The following CACNA2D1 variants were observed in gnomAD, a reference collection of about 807,000 sequenced individuals.
The protein encoded by CACNA2D1 is calcium voltage-gated channel auxiliary subunit alpha2delta 1.
CACNA2D1 carries 53 observed loss-of-function variants against 171.5 expected under a neutral mutation model. The ratio of observed to expected loss-of-function variants is 0.31; its 90% CI spans 0.25 to 0.39. CACNA2D1 has a LOEUF of 0.39. Among genes scored for constraint, CACNA2D1 ranks in the 10% least tolerant of loss-of-function variants. CACNA2D1 has a pLI of 1.00. For missense variants in CACNA2D1, 903 were observed against 1,299.8 expected (o/e 0.69, Z 4.69); for synonymous variants, 442 against 443.1 (o/e 1.00, Z 0.03).
chr7:81,989,062 G>A (rs1039672397), intron 21 of CACNA2D1, among the ~76,000 whole-genome samples: 1 of 152,188 alleles, frequency 6.6e-6, no homozygotes, highest in African/African-American at 2.4e-5. Flanking sequence ...ATGGGAAGAT[G>A]AGGGAATGAG....
At chr7:82,382,333 C>A (rs576199936) in intron 1 of CACNA2D1, among the ~76,000 whole-genome samples, 1 of 152,338 alleles carries the variant, frequency 6.6e-6, no homozygotes, top group South Asian at 2.1e-4. Context: ...TCCTGGAGTT[C>A]TCTGTCAAGT....
chr7:82,336,148 T>C (rs1656916208), intron 2 of CACNA2D1, among the ~76,000 whole-genome samples: 1 of 152,020 alleles, frequency 6.6e-6, no homozygotes, highest in Admixed American at 6.6e-5. Context: ...ACCTGGCAGG[T>C]TTTTACTGTC....
intron 21 of CACNA2D1, among the ~76,000 whole-genome samples, chr7:81,990,267 T>G (rs1797406612): frequency 1.3e-5 from 2 of 152,216 alleles, no homozygotes; most frequent in Admixed American, 1.3e-4. Context: ...TATAGCAATG[T>G]AACAGACTAA....
intron 3 of CACNA2D1, among the ~76,000 whole-genome samples, chr7:82,317,697 T>C (rs1203806374): frequency 5.3e-5 from 8 of 152,080 alleles, no homozygotes; most frequent in Non-Finnish European, 1.0e-4. Flanking sequence ...AATTTGATCA[T>C]GGCAGCATAG....
intron 6 of CACNA2D1, among the ~76,000 whole-genome samples, chr7:82,090,294 A>C (rs951811628): frequency 1.2e-4 from 19 of 152,136 alleles, no homozygotes; most frequent in African/African-American, 4.3e-4. Flanking sequence ...TATGCAAGAA[A>C]AAAAGAGAAA....
Position 81,964,286 on chromosome 7 carries a change from T to C in CACNA2D1, c.2648A>G (p.Asn883Ser), listed in dbSNP as rs1351098547. Residue 883 changes from asparagine (N) to serine (S), a missense_variant, in exon 33 of 39, where the codon AAC (asparagine) becomes AGC (serine). Transcript: ENST00000356860. The stretch of plus-strand genomic sequence containing the variant: ...TACTGACTGATAATCATAAGATTTG[T>C]TAAAAGCATAAACTGATATATTAAC... ...HLVNISVYAFNKSYDYQSVCE... is the reference protein window; with the variant it reads ...HLVNISVYAFSKSYDYQSVCE... 1 of 1,612,544 alleles carries C rather than the reference T, an allele frequency of 6.2e-7. No homozygotes were observed. The highest frequency in any genetic ancestry group is 2.2e-5 in the East Asian group (1 of 44,826).
intron 4 of CACNA2D1, among the ~76,000 whole-genome samples, chr7:82,164,207 C>T (rs1310059527): frequency 6.6e-6 from 1 of 151,876 alleles, no homozygotes; most frequent in Non-Finnish European, 1.5e-5. Context: ...CCTAATACTA[C>T]AAGTAATTAT....
chr7:82,248,602 TA>T (rs1805213032), intron 3 of CACNA2D1, among the ~76,000 whole-genome samples: 1 of 152,188 alleles, frequency 6.6e-6, no homozygotes. Flanking sequence ...ACCCAAGTAA[TA>T]TTTTTCTTGC....
chr7:82,443,798 T>C, upstream of CACNA2D1: 1 of 909,896 alleles, frequency 1.1e-6, no homozygotes, highest in Non-Finnish European at 1.4e-6. Context: ...GTTTCCTCCC[T>C]GATTTATTCC....
chr7:82,371,165 T>A (rs1399689056), intron 1 of CACNA2D1, among the ~76,000 whole-genome samples: 1 of 152,176 alleles, frequency 6.6e-6, no homozygotes, highest in African/African-American at 2.4e-5. Context: ...TGCATAGTAA[T>A]GTAATGAAAA....
At chr7:82,423,267 C>T (rs1828885227) in intron 1 of CACNA2D1, among the ~76,000 whole-genome samples, 1 of 152,170 alleles carries the variant, frequency 6.6e-6, no homozygotes, top group East Asian at 1.9e-4. Context: ...CTGCCCCAGG[C>T]ATGCATTAAT....
At chr7:82,264,870 T>C (rs1039737743) in intron 3 of CACNA2D1, among the ~76,000 whole-genome samples, 4 of 152,208 alleles carry the variant, frequency 2.6e-5, no homozygotes, top group Non-Finnish European at 5.9e-5. Context: ...AATATATACC[T>C]AGATTATAAT....
At chr7:81,962,618 A>C (rs1181967345) in intron 34 of CACNA2D1, 123 bp from the exon 35 acceptor site, 8 of 682,984 alleles carry the variant, frequency 1.2e-5, no homozygotes, top group Middle Eastern at 8.0e-4. Flanking sequence ...GAGTGTTTTT[A>C]TTTAAGTATT....
intron 37 of CACNA2D1, 67 bp from the exon 38 acceptor site, chr7:81,959,424 A>C (rs1178946173): frequency 6.5e-6 from 7 of 1,083,664 alleles, no homozygotes; most frequent in Non-Finnish European, 1.0e-5. Context: ...AATACAATGC[A>C]ATGTATTTCC....
intron 1 of CACNA2D1, among the ~76,000 whole-genome samples, chr7:82,395,675 A>C (rs1249518922): frequency 6.6e-6 from 1 of 152,200 alleles, no homozygotes; most frequent in East Asian, 1.9e-4. Context: ...GGTACAATTA[A>C]TAGTCTGAAG....
In CACNA2D1 at chr7:82,233,061, G is replaced by A. The variant is rs190402047; in HGVS notation, c.295-62452C>T. On this transcript the variant is annotated intron_variant, in intron 3 of 38. Transcript: ENST00000356860. ...AATCAGCTAGCAAATTTCTTATAAC[G>A]GGGAAGTAATTAACTGATTATTTGG... Among the ~76,000 whole-genome samples the A allele has an allele frequency of 3.7e-3, 568 of 151,918 alleles. 2 individuals carry two copies. The highest frequency in any genetic ancestry group is 4.3e-3 in the Non-Finnish European group (291 of 67,952).
chr7:82,085,262 T>C (rs796182270), intron 6 of CACNA2D1, among the ~76,000 whole-genome samples: 16 of 152,240 alleles, frequency 1.1e-4, no homozygotes, highest in Middle Eastern at 3.4e-3. Flanking sequence ...ATCCACTAGA[T>C]ACTAGTACCT....
Position 82,117,116 on chromosome 7 carries a change from C to A in CACNA2D1, c.454G>T (p.Asp152Tyr). ...GATATTTGTCGTCCAAAATTAGCAT[C>A]TTCAATGAAAACAGGTTTTATCCTC... ...SQRIKPVFIEDANFGRQISYQ... is the reference protein window; with the variant it reads ...SQRIKPVFIEYANFGRQISYQ... The change falls in exon 6 of 39, where the codon GAT becomes TAT. Residue 152 changes from aspartate to tyrosine, a missense_variant. By Grantham distance (160) the Asp-to-Tyr change is radical. Transcript: ENST00000356860. 1 of 1,613,856 alleles carries A rather than the reference C, an allele frequency of 6.2e-7. No individual in the cohort carries two copies. Among genetic ancestry groups the A allele is most frequent in the Non-Finnish European group, 8.5e-7 (1 of 1,179,864 alleles).
At chr7:82,189,748 G>A (rs537844041) in intron 3 of CACNA2D1, among the ~76,000 whole-genome samples, 12 of 151,512 alleles carry the variant, frequency 7.9e-5, no homozygotes, top group Admixed American at 1.3e-4. Context: ...AGAAGAATAC[G>A]GACAAAAAAA....
Sources: gnomAD v4.1 joint callset for allele counts (sites outside exome capture counted in the v4.1 genomes callset) on GRCh38, gnomAD v4.1.1 for gene constraint, MANE v1.5 for transcripts, NCBI Gene and HGNC (gene_info 2026-07-23, HGNC 2026-07-21) for gene names.